Variants in NUFIP2 observed in about 807,000 individuals in gnomAD.
NUFIP2 encodes the protein nuclear FMR1 interacting protein 2, also known as FMR1-interacting protein NUFIP2.
NUFIP2 carries 6 observed loss-of-function variants against 56.9 expected under a neutral mutation model. The ratio of observed to expected loss-of-function variants is 0.11; its 90% CI spans 0.06 to 0.21. NUFIP2 has a LOEUF of 0.21. Ranked by LOEUF, NUFIP2 falls within the 10% of genes least tolerant of loss-of-function variation. The pLI, the probability that NUFIP2 is intolerant of heterozygous loss-of-function variation, is 1.00. For missense variants in NUFIP2, 828 were observed against 826.8 expected, an observed-to-expected ratio of 1.00 and a Z score of -0.02; for synonymous variants, 321 against 298.2, an observed-to-expected ratio of 1.08 and a Z score of -0.79.
At chr17:29,267,849 G>T (rs2069047729) in intron 2 of NUFIP2, among the ~76,000 whole-genome samples, 1 of 151,948 alleles carries the variant, frequency 6.6e-6, no homozygotes, top group Non-Finnish European at 1.5e-5. Context: ...TAGAGATGGA[G>T]TCTGTTGCCC....
Position 29,266,231 on chromosome 17 carries a change from T to A in NUFIP2, c.2035+1267A>T, listed in dbSNP as rs532904647. ...ATCCACCTGCCTCCGCCTCCCAAAG[T>A]GCTGGGATTCCAGGCGTGAGCCACC... On this transcript the variant is annotated intron_variant, in intron 3 of 3. Transcript: ENST00000225388. Among the ~76,000 whole-genome samples the A allele has an allele frequency of 4.6e-5, 7 of 152,290 alleles. No homozygotes were observed. The East Asian group carries it at 1.2e-3, about 25-fold the overall frequency.
chr17:29,264,722 T>C (rs1358067793), intron 3 of NUFIP2, 131 bp from the exon 4 acceptor site: 2 of 559,546 alleles, frequency 3.6e-6, no homozygotes, highest in African/African-American at 3.8e-5. Context: ...CAAGCCCATT[T>C]CCTCCTTGTA....
chr17:29,285,858 C>T, intron 2 of NUFIP2, 134 bp downstream of exon 2: 2 of 650,470 alleles, frequency 3.1e-6, no homozygotes, highest in Admixed American at 3.0e-5. Context: ...AGTTTGACAC[C>T]AGCTGCTTAT....
At chr17:29,273,497 T>TACACACACACACACAC (rs61077728) in intron 2 of NUFIP2, among the ~76,000 whole-genome samples, 23 of 148,962 alleles carry the variant, frequency 1.5e-4, no homozygotes, top group African/African-American at 5.6e-4. Flanking sequence ...TGCTCTCTTC[T>TACACACACACACACAC]ACACACACAC....
intron 2 of NUFIP2, among the ~76,000 whole-genome samples, chr17:29,269,422 T>C (rs1166176389): frequency 6.6e-6 from 1 of 152,098 alleles, no homozygotes. Flanking sequence ...TGTATGTGTA[T>C]AAATAGGGGC....
At chr17:29,278,078 G>C (rs940352185) in intron 2 of NUFIP2, among the ~76,000 whole-genome samples, 3 of 152,066 alleles carry the variant, frequency 2.0e-5, no homozygotes, top group African/African-American at 4.8e-5. Context: ...AATTAAGGTA[G>C]TTAGAAGTCA....
In NUFIP2 at chr17:29,286,156, A is replaced by C. The variant is rs146966567; in HGVS notation, c.1838T>G (p.Val613Gly). 1.4e-4 allele frequency: 231 copies of C among 1,614,034 alleles called. No individual in the cohort carries two copies. The highest frequency in any genetic ancestry group is 1.9e-4 in the Non-Finnish European group (229 of 1,180,026). The change falls in exon 2 of 4, where the codon GTG becomes GGG. Residue 613 changes from valine to glycine, a missense_variant. Val to Gly is a moderately radical substitution (Grantham distance 109, BLOSUM62 -3). Around this residue, in one of 3 missense-constraint regions of NUFIP2, gnomAD observed 404 missense variants for 380.3 expected, o/e 1.06. Coordinates refer to ENST00000225388, the MANE Select transcript of NUFIP2 (RefSeq NM_020772.3). The stretch of plus-strand genomic sequence containing the variant: ...TATCTCGTAGTCCTTTGAGAGAAAC[A>C]CTAAAGCACCTTGACTACTGGTGTC... The part of the protein sequence containing the change: ...KADTSSQGAL[V>G]FLSKDYEIES...
chr17:29,293,232 C>A (rs1235531208), intron 1 of NUFIP2, among the ~76,000 whole-genome samples: 2 of 150,886 alleles, frequency 1.3e-5, no homozygotes, highest in South Asian at 4.2e-4. Context: ...GGGGTCCCAA[C>A]AGCCCCCCCC....
intron 2 of NUFIP2, among the ~76,000 whole-genome samples, chr17:29,275,485 G>A (rs930050086): frequency 6.6e-6 from 1 of 152,200 alleles, no homozygotes; most frequent in African/African-American, 2.4e-5. Context: ...AGAGTGGGTA[G>A]AGTCAAGGAA....
chr17:29,282,547 CAA>C (rs1332481060), intron 2 of NUFIP2, among the ~76,000 whole-genome samples: 3 of 118,518 alleles, frequency 2.5e-5, no homozygotes, highest in Non-Finnish European at 1.8e-5. Flanking sequence ...GACCCCATCT[CAA>C]AAAAAAAAAA....
At chr17:29,276,846 T>C (rs950948486) in intron 2 of NUFIP2, among the ~76,000 whole-genome samples, 1 of 152,190 alleles carries the variant, frequency 6.6e-6, no homozygotes, top group Non-Finnish European at 1.5e-5. Context: ...CCATTTGGCA[T>C]TGCTCACACT....
At chr17:29,279,879 T>C (rs1598433305) in intron 2 of NUFIP2, among the ~76,000 whole-genome samples, 1 of 152,154 alleles carries the variant, frequency 6.6e-6, no homozygotes, top group Non-Finnish European at 1.5e-5. Context: ...AGTGCAGTGG[T>C]GTGATCTCAG....
At position 29,257,725 on chromosome 17, in the gene NUFIP2, A is replaced by G. The variant is rs1037971562; in HGVS notation, c.*6814T>C. On this transcript the variant is annotated 3_prime_UTR_variant, in exon 4 of 4. Transcript: ENST00000225388. ...CTATATTTTGCAAACAATGCTTTGT[A>G]TAACACTTCTTTAAAACACTAAAAG... 1.3e-5 allele frequency: 2 copies of G among 152,226 alleles called. No homozygotes were observed. The highest frequency in any genetic ancestry group is 6.5e-5 in the Admixed American group (1 of 15,274). The allele number at this position is 152,226 out of a possible 1,614,324, so 9.4% of individuals were successfully genotyped here. A position where few individuals can be genotyped will look rare whatever the true frequency, so the allele number is the denominator to read the frequency against.
intron 2 of NUFIP2, among the ~76,000 whole-genome samples, chr17:29,279,320 C>T (rs988789873): frequency 6.6e-6 from 1 of 152,098 alleles, no homozygotes; most frequent in African/African-American, 2.4e-5. Flanking sequence ...TCCCTTATGC[C>T]CTTTCCCAAT....
In NUFIP2 at chr17:29,293,823, G is replaced by A. The variant is rs367787642; in HGVS notation, c.237C>T (p.His79=). 7 of 1,606,142 alleles carry A rather than the reference G, an allele frequency of 4.4e-6. No individual in the cohort carries two copies. Among genetic ancestry groups the A allele is most frequent in the African/African-American group, 4.0e-5 (3 of 74,728 alleles). ...QPKPLKHEQK[H]TLQQHQETPK... Reference sequence around the variant, plus strand: ...GCGTTTCCTGGTGCTGCTGGAGGGTGTGTTTCTGCTCATGTTTCAGCGGCT... The same window carrying A: ...GCGTTTCCTGGTGCTGCTGGAGGGTATGTTTCTGCTCATGTTTCAGCGGCT... The change falls in exon 1 of 4, where the codon CAC becomes CAT. Residue 79 remains histidine (H), a synonymous_variant. Transcript: ENST00000225388.
chr17:29,263,761 C>T lies in NUFIP2; in HGVS notation c.*778G>A, dbSNP rs915695390. On this transcript the variant is annotated 3_prime_UTR_variant, in exon 4 of 4. Transcript: ENST00000225388. ...TTCTGCAACTTTTCTTTAAATGACA[C>T]GCATAGATTCTTCAGTTGTTAAAGT... 4.6e-5 allele frequency: 7 copies of T among 152,512 alleles called. No homozygotes were observed. Among genetic ancestry groups the T allele is most frequent in the Admixed American group, 1.3e-4 (2 of 15,248 alleles). 9.4% of individuals were successfully genotyped at this position (152,512 alleles called of 1,614,324 possible). A position where few individuals can be genotyped will look rare whatever the true frequency, so the allele number is the denominator to read the frequency against.
rs972345204 is a variant in NUFIP2 at position 29,260,962 on chromosome 17, C to T, written c.*3577G>A. ...GAGGAAGGGCTGGCTACCACAGACG[C>T]TGTAAATACACTTTATGTGAAGGTT... On this transcript the variant is annotated 3_prime_UTR_variant, in exon 4 of 4. Transcript: ENST00000225388. 6.6e-6 allele frequency: 1 copy of T among 152,070 alleles called. No individual in the cohort carries two copies. The highest frequency in any genetic ancestry group is 2.4e-5 in the African/African-American group (1 of 41,418). 9.4% of individuals were successfully genotyped at this position (152,070 alleles called of 1,614,324 possible).
chr17:29,282,931 C>T (rs950485908), intron 2 of NUFIP2, among the ~76,000 whole-genome samples: 4 of 152,084 alleles, frequency 2.6e-5, no homozygotes, highest in African/African-American at 9.7e-5. Flanking sequence ...AAATGAGTGG[C>T]CAATGGACTG....
At position 29,256,899 on chromosome 17, in the gene NUFIP2, T is replaced by A. The variant is rs1213940639; in HGVS notation, c.*7640A>T. ...GATCTTACAAACAACTGAATAATTC[T>A]AATCTCAAGCCAGTCAATTCAGTAA... On this transcript the variant is annotated 3_prime_UTR_variant, in exon 4 of 4. Coordinates refer to ENST00000225388, the MANE Select transcript of NUFIP2 (RefSeq NM_020772.3). 1.3e-5 allele frequency: 2 copies of A among 152,210 alleles called. No individual in the cohort carries two copies. The highest frequency in any genetic ancestry group is 4.8e-5 in the African/African-American group (2 of 41,462). 9.4% of individuals were successfully genotyped at this position (152,210 alleles called of 1,614,324 possible).
Sources: gnomAD v4.1 joint callset for allele counts (sites outside exome capture counted in the v4.1 genomes callset) on GRCh38, gnomAD v4.1.1 for gene constraint, gnomAD v4.1.1 regional missense constraint, MANE v1.5 for transcripts, NCBI Gene and HGNC (gene_info 2026-07-23, HGNC 2026-07-21) for gene names.